Variants in ARID4B observed in about 807,000 individuals in gnomAD.
The protein encoded by ARID4B is AT-rich interaction domain 4B.
In ARID4B, 26 loss-of-function variants were observed where a neutral mutation model predicts 147.5. That is an observed-to-expected ratio of 0.18 (90% CI 0.13 to 0.24). The LOEUF (loss-of-function observed/expected upper bound fraction) is 0.24, where lower values mean the gene tolerates loss of function less well. Ranked by LOEUF, ARID4B falls within the 10% of genes least tolerant of loss-of-function variation. The pLI, the probability that ARID4B is intolerant of heterozygous loss-of-function variation, is 1.00. For synonymous variants in ARID4B, 512 were observed against 507.9 expected, an observed-to-expected ratio of 1.01 and a Z score of -0.11; for missense variants, 1,179 against 1,511.5, an observed-to-expected ratio of 0.78 and a Z score of 3.65.
At chr1:235,230,435 AC>A (rs1668127211) in intron 10 of ARID4B, among the ~76,000 whole-genome samples, 4 of 146,190 alleles carry the variant, frequency 2.7e-5, no homozygotes, top group Admixed American at 6.8e-5. Context: ...ACAAAACAAA[AC>A]AAAACAAAAA....
At chr1:235,246,373 G>A in intron 7 of ARID4B, 47 bp downstream of exon 7, 1 of 1,391,810 alleles carries the variant, frequency 7.2e-7, no homozygotes, top group South Asian at 1.2e-5. Flanking sequence ...AATACTAGAA[G>A]GAGAAATGAA....
chr1:235,267,586 A>T (rs1277921437), intron 2 of ARID4B, among the ~76,000 whole-genome samples: 1 of 151,732 alleles, frequency 6.6e-6, no homozygotes, highest in Non-Finnish European at 1.5e-5. Context: ...TAATCCCAGC[A>T]CTCTGGGAGG....
intron 6 of ARID4B, among the ~76,000 whole-genome samples, chr1:235,249,336 A>AAAAT (rs1004322880): frequency 7.2e-5 from 11 of 152,274 alleles, no homozygotes; most frequent in Admixed American, 3.3e-4. Flanking sequence ...CTGTCTCAAA[A>AAAAT]AAATAAATAA....
At chr1:235,202,263 G>A (rs1665994155) in intron 17 of ARID4B, among the ~76,000 whole-genome samples, 1 of 151,796 alleles carries the variant, frequency 6.6e-6, no homozygotes, top group Non-Finnish European at 1.5e-5. Flanking sequence ...TATTGAGTTA[G>A]AAAATTAAGA....
intron 2 of ARID4B, among the ~76,000 whole-genome samples, chr1:235,311,375 A>AATG (rs1674040975): frequency 6.8e-6 from 1 of 146,824 alleles, no homozygotes; most frequent in South Asian, 2.1e-4. Flanking sequence ...TAATAATAAT[A>AATG]ATAATAATAA....
At chr1:235,224,989 AAT>A (rs893333527) in intron 11 of ARID4B, among the ~76,000 whole-genome samples, 2 of 152,204 alleles carry the variant, frequency 1.3e-5, no homozygotes, top group African/African-American at 4.8e-5. Context: ...AAAGTATCCC[AAT>A]AGTTAGAATC....
chr1:235,243,036 A>C (rs931733279), intron 7 of ARID4B, among the ~76,000 whole-genome samples: 9 of 151,856 alleles, frequency 5.9e-5, no homozygotes, highest in South Asian at 2.1e-4. Context: ...TTAATTCGCT[A>C]TCTCCTCCCC....
chr1:235,198,967 C>T (rs761620910), intron 17 of ARID4B, among the ~76,000 whole-genome samples: 27 of 152,180 alleles, frequency 1.8e-4, no homozygotes, highest in Non-Finnish European at 3.2e-4. Context: ...GGCATGATGG[C>T]GCATGCCTGT....
intron 1 of ARID4B, 83 bp from the exon 2 acceptor site, chr1:235,327,051 C>G (rs1675327898): frequency 2.1e-6 from 2 of 943,458 alleles, no homozygotes; most frequent in Non-Finnish European, 3.3e-6. Context: ...AAGCGAGCGA[C>G]GTCCGAACCC....
intron 2 of ARID4B, among the ~76,000 whole-genome samples, chr1:235,298,514 A>T (rs536718161): frequency 6.7e-6 from 1 of 148,636 alleles, no homozygotes; most frequent in Non-Finnish European, 1.5e-5. Flanking sequence ...ATATATGAAT[A>T]TAACGTATAT....
At chr1:235,294,349 G>A (rs1256377218) in intron 2 of ARID4B, among the ~76,000 whole-genome samples, 1 of 116,152 alleles carries the variant, frequency 8.6e-6, no homozygotes, top group Non-Finnish European at 1.7e-5. Context: ...GTCTTACTCT[G>A]TCACCCAGGC....
chr1:235,212,093 A>G (rs1455447970), intron 17 of ARID4B, among the ~76,000 whole-genome samples: 2 of 152,102 alleles, frequency 1.3e-5, no homozygotes, highest in African/African-American at 4.8e-5. Context: ...AAAAATACGA[A>G]AATTAGCCAG....
At chr1:235,223,397 G>GTATA (rs1667623383) in intron 12 of ARID4B, 137 bp from the exon 13 acceptor site, 1 of 90,890 alleles carries the variant, frequency 1.1e-5, no homozygotes. Context: ...GTATATATAT[G>GTATA]TGTGTGTATA....
rs1483660956 is a variant in ARID4B at position 235,229,456 on chromosome 1, C to T, written c.743-71G>A. ...TTGTTTTCTCAAAAAGTATTAAACA[C>T]GATAAAGAAATAAAAACTACTGTGC... On this transcript the variant is annotated intron_variant, in intron 10 of 23. Coordinates refer to ENST00000264183, the MANE Select transcript of ARID4B (RefSeq NM_016374.6). 1.5e-5 allele frequency: 17 copies of T among 1,111,370 alleles called. No homozygotes were observed. In the East Asian group the frequency reaches 1.7e-4, roughly 11 times the overall value. The allele number at this position is 1,111,370 out of a possible 1,614,324, so 68.8% of individuals were successfully genotyped here. A position where few individuals can be genotyped will look rare whatever the true frequency, so the allele number is the denominator to read the frequency against.
At chr1:235,300,920 T>C (rs1673080519) in intron 2 of ARID4B, among the ~76,000 whole-genome samples, 1 of 152,100 alleles carries the variant, frequency 6.6e-6, no homozygotes, top group Non-Finnish European at 1.5e-5. Context: ...TTTCACTATA[T>C]TGGCCAGGAT....
intron 2 of ARID4B, among the ~76,000 whole-genome samples, chr1:235,266,002 CATAA>C (rs1343228270): frequency 2.0e-5 from 3 of 152,120 alleles, no homozygotes; most frequent in Non-Finnish European, 4.4e-5. Context: ...AAAATTCCCA[CATAA>C]ATAGAGCAGA....
At chr1:235,176,723 G>A (rs1035158168) in intron 21 of ARID4B, 7 of 396,934 alleles carry the variant, frequency 1.8e-5, no homozygotes, top group East Asian at 7.2e-5. Flanking sequence ...ACAGCCGCCC[G>A]GGGCCCCAGG....
intron 19 of ARID4B, among the ~76,000 whole-genome samples, chr1:235,183,708 T>C (rs574444944): frequency 1.3e-5 from 2 of 151,922 alleles, no homozygotes; most frequent in South Asian, 4.2e-4. Flanking sequence ...GGCCTCTCAT[T>C]TTTCTTTCCT....
intron 8 of ARID4B, among the ~76,000 whole-genome samples, chr1:235,239,161 G>A (rs540708772): frequency 3.0e-4 from 45 of 151,912 alleles, no homozygotes; most frequent in Non-Finnish European, 5.4e-4. Context: ...TAGTAGAGAC[G>A]GGGTTTTGCC....
Sources: gnomAD v4.1 joint callset for allele counts (sites outside exome capture counted in the v4.1 genomes callset) on GRCh38, gnomAD v4.1.1 for gene constraint, MANE v1.5 for transcripts, NCBI Gene and HGNC (gene_info 2026-07-23, HGNC 2026-07-21) for gene names.